The following ARHGEF7 variants were observed in gnomAD, a reference collection of about 807,000 sequenced individuals.
ARHGEF7 encodes PAK-interacting exchange factor beta.
A neutral mutation model predicts 109.8 loss-of-function variants in ARHGEF7; 33 were observed. The ratio of observed to expected loss-of-function variants is 0.30; its 90% CI spans 0.23 to 0.40. The LOEUF (loss-of-function observed/expected upper bound fraction) is 0.40, where lower values mean the gene tolerates loss of function less well. Among genes scored for constraint, ARHGEF7 ranks in the 10% least tolerant of loss-of-function variants. The probability of loss-of-function intolerance (pLI) is 1.00; values close to 1 mark genes in which losing one functional copy is unlikely to be tolerated. For missense variants in ARHGEF7, 938 were observed against 1,098.5 expected, an observed-to-expected ratio of 0.85 and a Z score of 2.07; for synonymous variants, 458 against 424.6, an observed-to-expected ratio of 1.08 and a Z score of -0.97.
intron 2 of ARHGEF7, among the ~76,000 whole-genome samples, chr13:111,177,029 T>A (rs1202303803): frequency 6.6e-6 from 1 of 152,224 alleles, no homozygotes; most frequent in Non-Finnish European, 1.5e-5. Context: ...AGTGCTGGGA[T>A]TACAGGCGTG....
At position 111,270,417 on chromosome 13, in the gene ARHGEF7, C is replaced by CT. The variant is rs113405116; in HGVS notation, c.1073+2760dup. On this transcript the variant is annotated intron_variant, in intron 9 of 21. Transcript: ENST00000646102. ...GCTGTTTTGTTTTATTATGGCACTA[C>CT]TTTTTTTTTTTTTAACTTCAAACTG... is the stretch of plus-strand genomic sequence containing the variant. 3.0e-3 allele frequency among the ~76,000 whole-genome samples: 431 copies of CT among 145,590 alleles called. 7 individuals are homozygous for CT. The highest frequency in any genetic ancestry group is 6.4e-3 in the East Asian group (32 of 5,034).
intron 16 of ARHGEF7, among the ~76,000 whole-genome samples, chr13:111,285,348 C>T (rs1217864063): frequency 1.3e-5 from 2 of 152,180 alleles, no homozygotes; most frequent in Non-Finnish European, 2.9e-5. Context: ...GTCTTGGTCT[C>T]GCGTTTAGCA....
intron 2 of ARHGEF7, among the ~76,000 whole-genome samples, chr13:111,181,803 T>C (rs2078760212): frequency 6.6e-6 from 1 of 152,164 alleles, no homozygotes; most frequent in Non-Finnish European, 1.5e-5. Context: ...GGAAGAAACA[T>C]TCCAGGTGGA....
chr13:111,256,480 AC>A (rs2090437438), intron 8 of ARHGEF7, among the ~76,000 whole-genome samples: 1 of 152,094 alleles, frequency 6.6e-6, no homozygotes, highest in South Asian at 2.1e-4. Flanking sequence ...CAGTGTCACA[AC>A]CAGTTGTTAG....
At chr13:111,126,913 G>A (rs902343561) in intron 1 of ARHGEF7, among the ~76,000 whole-genome samples, 2 of 152,126 alleles carry the variant, frequency 1.3e-5, no homozygotes, top group Non-Finnish European at 2.9e-5. Context: ...CTCAAATTAA[G>A]TAGTAGGAGA....
At chr13:111,253,047 TCTC>T (rs1294796660) in intron 8 of ARHGEF7, among the ~76,000 whole-genome samples, 1 of 152,232 alleles carries the variant, frequency 6.6e-6, no homozygotes, top group Admixed American at 6.5e-5. Context: ...CAGGCCCCCT[TCTC>T]CTGTTGGGGG....
At chr13:111,277,737 A>G in intron 13 of ARHGEF7, 64 bp downstream of exon 13, 2 of 1,172,492 alleles carry the variant, frequency 1.7e-6, no homozygotes, top group Non-Finnish European at 2.5e-6. Context: ...CTGGCTTTGA[A>G]TTTTGTGTTA....
At chr13:111,232,427 C>G (rs1403229432) in intron 5 of ARHGEF7, among the ~76,000 whole-genome samples, 1 of 152,032 alleles carries the variant, frequency 6.6e-6, no homozygotes, top group African/African-American at 2.4e-5. Context: ...TGATAGAGAC[C>G]CCCTCCCGTA....
In ARHGEF7 at chr13:111,304,487, C is replaced by T. The variant is rs1236232968; in HGVS notation, c.*1374C>T. The T allele has an allele frequency of 6.6e-6, 1 of 152,212 alleles. No homozygotes were observed. The highest frequency in any genetic ancestry group is 2.4e-5 in the African/African-American group (1 of 41,450). The allele number at this position is 152,212 out of a possible 1,614,324, so 9.4% of individuals were successfully genotyped here. A position where few individuals can be genotyped will look rare whatever the true frequency, so the allele number is the denominator to read the frequency against. On this transcript the variant is annotated 3_prime_UTR_variant, in exon 22 of 22. Transcript: ENST00000646102. Reference sequence around the variant, plus strand: ...ATCTTTAAAAACCCAAATTGCAGCACCGTGGATTACTGGTCTCAGAACAAC... The same window carrying T: ...ATCTTTAAAAACCCAAATTGCAGCATCGTGGATTACTGGTCTCAGAACAAC...
Position 111,115,507 on chromosome 13 carries a change from C to A in ARHGEF7, c.-20C>A. 1 of 1,289,506 alleles carries A rather than the reference C, an allele frequency of 7.8e-7. No individual in the cohort carries two copies. Among genetic ancestry groups the A allele is most frequent in the Non-Finnish European group, 1.0e-6 (1 of 998,144 alleles). 79.9% of individuals were successfully genotyped at this position (1,289,506 alleles called of 1,614,324 possible). ...GGTGAAGGCGCGCGCCCCTCCCCGC[C>A]TGCCTCCCGGGCCGCAGCGATGAAT... is the stretch of plus-strand genomic sequence containing the variant. On this transcript the variant is annotated 5_prime_UTR_variant, in exon 1 of 22. It adds an upstream start codon to the 5' untranslated region. Transcript: ENST00000646102.
intron 2 of ARHGEF7, among the ~76,000 whole-genome samples, chr13:111,172,967 A>G (rs933393010): frequency 6.6e-6 from 1 of 152,238 alleles, no homozygotes; most frequent in African/African-American, 2.4e-5. Flanking sequence ...CCTGGTCCCA[A>G]GCATTTCAGA....
chr13:111,246,810 G>GTCT (rs2088934358), intron 8 of ARHGEF7, among the ~76,000 whole-genome samples: 1 of 152,112 alleles, frequency 6.6e-6, no homozygotes, highest in Non-Finnish European at 1.5e-5. Flanking sequence ...TTTCTCATTG[G>GTCT]CTGTAGATAA....
At chr13:111,294,973 G>GA (rs1238787039) in intron 19 of ARHGEF7, 4 of 985,414 alleles carry the variant, frequency 4.1e-6, no homozygotes, top group Admixed American at 6.2e-5. Flanking sequence ...ATAAGATCTT[G>GA]AAAAAAATCT....
At chr13:111,253,998 C>T (rs1452778070) in intron 8 of ARHGEF7, among the ~76,000 whole-genome samples, 1 of 152,212 alleles carries the variant, frequency 6.6e-6, no homozygotes, top group African/African-American at 2.4e-5. Context: ...TGGGAGATCA[C>T]AGGATGCCAC....
chr13:111,302,050 G>A (rs890781975), intron 21 of ARHGEF7, among the ~76,000 whole-genome samples: 3 of 151,744 alleles, frequency 2.0e-5, no homozygotes, highest in Non-Finnish European at 4.4e-5. Flanking sequence ...ATAAAACATC[G>A]CAAATTCTGT....
chr13:111,176,131 A>G (rs1415000725), intron 2 of ARHGEF7, among the ~76,000 whole-genome samples: 2 of 152,188 alleles, frequency 1.3e-5, no homozygotes, highest in Non-Finnish European at 2.9e-5. Context: ...TCAGCCACAC[A>G]GGTAGTCTGT....
Position 111,131,343 on chromosome 13 carries a change from C to T in ARHGEF7, c.165+15652C>T, listed in dbSNP as rs1306271494. 2.6e-5 allele frequency among the ~76,000 whole-genome samples: 4 copies of T among 151,886 alleles called. No homozygotes were observed. Among genetic ancestry groups the T allele is most frequent in the Non-Finnish European group, 5.9e-5 (4 of 67,962 alleles). Reference sequence around the variant, plus strand: ...TGCACAACAGGATAGATGGGGCGGTCGCCTGTGCTGGAGCCCTGGGCGAGG... The same window carrying T: ...TGCACAACAGGATAGATGGGGCGGTTGCCTGTGCTGGAGCCCTGGGCGAGG... On this transcript the variant is annotated intron_variant, in intron 1 of 21. Coordinates refer to ENST00000646102, the MANE Select transcript of ARHGEF7 (RefSeq NM_001354046.2). This position sits in a 1 kb window ranked among gnomAD's most constrained non-coding sequence, Gnocchi z 4.4.
intron 1 of ARHGEF7, among the ~76,000 whole-genome samples, chr13:111,119,903 A>G (rs1211035680): frequency 6.6e-6 from 1 of 152,152 alleles, no homozygotes; most frequent in Non-Finnish European, 1.5e-5. Context: ...GTGGTAGGGT[A>G]AGGTTCTCAC....
At chr13:111,257,144 C>T (rs1461770829) in intron 8 of ARHGEF7, among the ~76,000 whole-genome samples, 2 of 152,176 alleles carry the variant, frequency 1.3e-5, no homozygotes, top group Admixed American at 6.5e-5. Flanking sequence ...GTGGGATTTT[C>T]CCCCCACCCA....
Sources: allele counts gnomAD v4.1 joint callset (sites outside exome capture counted in the v4.1 genomes callset), GRCh38; gene constraint gnomAD v4.1.1; non-coding constraint Gnocchi (gnomAD v3.1); transcripts MANE v1.5; gene names NCBI Gene and HGNC (gene_info 2026-07-23, HGNC 2026-07-21).